Variants in ALDH3A1 observed in about 807,000 individuals in gnomAD.
The protein encoded by ALDH3A1 is aldehyde dehydrogenase, dimeric NADP-preferring.
In ALDH3A1, 46 loss-of-function variants were observed where a neutral mutation model predicts 49.9. That is an observed-to-expected ratio of 0.92 (90% CI 0.73 to 1.18). The LOEUF (loss-of-function observed/expected upper bound fraction) is 1.18, where lower values mean the gene tolerates loss of function less well. Among genes scored for constraint, ALDH3A1 ranks in the 50% most tolerant of loss-of-function variants. The probability of loss-of-function intolerance (pLI) is 0.00; values close to 1 mark genes in which losing one functional copy is unlikely to be tolerated. For synonymous variants in ALDH3A1, 269 were observed against 253.3 expected (o/e 1.06, Z -0.59); for missense variants, 592 against 611.8 (o/e 0.97, Z 0.34).
At chr17:19,739,176 G>T in intron 8 of ALDH3A1, 81 bp from the exon 9 acceptor site, 4 of 1,280,200 alleles carry the variant, frequency 3.1e-6, no homozygotes, top group South Asian at 1.3e-5. Flanking sequence ...CCTGGGTATA[G>T]CCTGGAGCCA....
At position 19,739,104 on chromosome 17, in the gene ALDH3A1, G is replaced by T. The variant is rs763539601; in HGVS notation, c.1117-9C>A. 1.2e-6 allele frequency: 2 copies of T among 1,610,846 alleles called. No homozygotes were observed. The highest frequency in any genetic ancestry group is 2.2e-5 in the South Asian group (2 of 90,516). ...ATCATCTTCTTAATCACCTGCACCAGGACCCAGCCACTGGCCTCAGTCTCC... is the reference window on the plus strand; with the variant it reads ...ATCATCTTCTTAATCACCTGCACCATGACCCAGCCACTGGCCTCAGTCTCC... On this transcript the variant is annotated splice_polypyrimidine_tract_variant and intron_variant, in intron 8 of 10. Transcript: ENST00000225740.
intron 2 of ALDH3A1, chr17:19,744,123 C>T (rs1242085842): frequency 3.0e-6 from 3 of 985,200 alleles, no homozygotes; most frequent in Admixed American, 6.1e-5. Context: ...GCAGGCCCGG[C>T]GCTGTGGCTC....
At chr17:19,746,645 GTGTGTGTGCA>G (rs1167566333) in intron 1 of ALDH3A1, among the ~76,000 whole-genome samples, 192 of 119,014 alleles carry the variant, frequency 1.6e-3, no homozygotes, top group African/African-American at 0.012. Context: ...GTGCGTGTGC[GTGTGTGTGCA>G]TGTGTGTGTG....
Position 19,743,099 on chromosome 17 carries a change from C to T in ALDH3A1, c.394+133G>A. On this transcript the variant is annotated intron_variant, in intron 3 of 10. Coordinates refer to ENST00000225740, the MANE Select transcript of ALDH3A1 (RefSeq NM_000691.5). This position sits in a 1 kb window ranked among gnomAD's most constrained non-coding sequence, Gnocchi z 4.4. ...GCCTGGCTAAACAGCTTGGTCCCCA[C>T]AGCCTCCTGTGACAGACCCAGCAAA... is the stretch of plus-strand genomic sequence containing the variant. 1 of 1,536,636 alleles carries T rather than the reference C, an allele frequency of 6.5e-7. No individual in the cohort carries two copies. Among genetic ancestry groups the T allele is most frequent in the Non-Finnish European group, 8.7e-7 (1 of 1,147,050 alleles).
In ALDH3A1 at chr17:19,741,369, G is replaced by A. The variant is rs529665647; in HGVS notation, c.690-159C>T. ...TCTGCTCACTTCTAGACACTGGACC[G>A]AGCAGACCCAATGGCCCTGATCATG... is the stretch of plus-strand genomic sequence containing the variant. On this transcript the variant is annotated intron_variant, in intron 5 of 10. Coordinates refer to ENST00000225740, the MANE Select transcript of ALDH3A1 (RefSeq NM_000691.5). The A allele has an allele frequency of 2.9e-4, 175 of 600,932 alleles. 2 individuals are homozygous for A. Among genetic ancestry groups the A allele is most frequent in the Non-Finnish European group, 4.3e-4 (144 of 337,248 alleles). The allele number at this position is 600,932 out of a possible 1,614,324, so 37.2% of individuals were successfully genotyped here. A position where few individuals can be genotyped will look rare whatever the true frequency, so the allele number is the denominator to read the frequency against.
intron 6 of ALDH3A1, among the ~76,000 whole-genome samples, chr17:19,740,866 A>G (rs776345724): frequency 6.6e-6 from 1 of 152,076 alleles, no homozygotes; most frequent in Non-Finnish European, 1.5e-5. Context: ...GGATCTTGCT[A>G]TGTTACCCAG....
At chr17:19,742,275 G>A (rs2086509664) in intron 4 of ALDH3A1, 63 bp from the exon 5 acceptor site, 7 of 1,551,054 alleles carry the variant, frequency 4.5e-6, no homozygotes, top group Non-Finnish European at 6.2e-6. Flanking sequence ...TCTTGCAAGT[G>A]TGGGTGAGTT....
chr17:19,744,913 A>AC, intron 2 of ALDH3A1, 55 bp downstream of exon 2: 3 of 385,580 alleles, frequency 7.8e-6, no homozygotes, highest in Non-Finnish European at 1.1e-5. Context: ...CCCTCCCCCC[A>AC]CGCCCCATCG....
Position 19,740,349 on chromosome 17 carries a change from G to A in ALDH3A1, c.936C>T (p.Ala312=), listed in dbSNP as rs1411863025. 6 of 1,613,852 alleles carry A rather than the reference G, an allele frequency of 3.7e-6. No individual in the cohort carries two copies. The highest frequency in any genetic ancestry group is 5.1e-6 in the Non-Finnish European group (6 of 1,179,986). The change falls in exon 7 of 11, where the codon GCC becomes GCT. Residue 312 remains alanine (A), a synonymous_variant. Transcript: ENST00000225740. ...KVAYGGTGDA[A]TRYIAPTILT... ...GGGGTCACGCACCTATGTAGCGAGTGGCGGCATCCCCGGTGCCCCCATAAG... is the reference window on the plus strand; with the variant it reads ...GGGGTCACGCACCTATGTAGCGAGTAGCGGCATCCCCGGTGCCCCCATAAG...
chr17:19,743,530 G>A lies in ALDH3A1; in HGVS notation c.163-67C>T. The A allele has an allele frequency of 6.6e-7, 1 of 1,526,458 alleles. No homozygotes were observed. The highest frequency in any genetic ancestry group is 2.0e-5 in the Admixed American group (1 of 49,020). The allele number at this position is 1,526,458 out of a possible 1,614,324, so 94.6% of individuals were successfully genotyped here. On this transcript the variant is annotated intron_variant, in intron 2 of 10. Transcript: ENST00000225740. The surrounding 1 kb of genome is among the most constrained non-coding windows in gnomAD (Gnocchi z 4.4). ...CGCCTGCAGCTGGGGCGAGTGGGGAGCCCCACTGCTCAGCTGCCAGGGTGA... is the reference window on the plus strand; with the variant it reads ...CGCCTGCAGCTGGGGCGAGTGGGGAACCCCACTGCTCAGCTGCCAGGGTGA...
intron 3 of ALDH3A1, chr17:19,742,933 C>G (rs112452365): frequency 1.3e-6 from 2 of 1,525,090 alleles, no homozygotes. Flanking sequence ...TAGAACAGCG[C>G]TGGCCCATTC....
At chr17:19,740,243 C>A in intron 7 of ALDH3A1, 93 bp downstream of exon 7, 1 of 1,544,778 alleles carries the variant, frequency 6.5e-7, no homozygotes, top group Non-Finnish European at 8.8e-7. Context: ...GAGGTCGTGT[C>A]CGCTTATCAA....
In ALDH3A1 at chr17:19,745,143, A is replaced by T; in HGVS notation, c.-5-9T>A. ...GATCTTGCTCATGGCGCCTGGGGAC[A>T]GAGAGCACCTGCAGCTGGCTGAGGG... On this transcript the variant is annotated splice_polypyrimidine_tract_variant and intron_variant, in intron 1 of 10. Coordinates refer to ENST00000225740, the MANE Select transcript of ALDH3A1 (RefSeq NM_000691.5). 6.4e-7 allele frequency: 1 copy of T among 1,561,210 alleles called. No homozygotes were observed. The highest frequency in any genetic ancestry group is 8.6e-7 in the Non-Finnish European group (1 of 1,159,418).
At chr17:19,739,169 G>T in intron 8 of ALDH3A1, 74 bp from the exon 9 acceptor site, 1 of 1,358,550 alleles carries the variant, frequency 7.4e-7, no homozygotes, top group Non-Finnish European at 1.0e-6. Context: ...GACCCTGCCT[G>T]GGTATAGCCT....
intron 2 of ALDH3A1, 152 bp downstream of exon 2, chr17:19,744,816 G>A (rs1213985980): frequency 7.4e-7 from 1 of 1,354,196 alleles, no homozygotes; most frequent in Non-Finnish European, 9.5e-7. Context: ...GCGGCGGAGG[G>A]GAGGGCGGTG....
At chr17:19,739,699 T>G (rs549169871) in intron 7 of ALDH3A1, 25 bp from the exon 8 acceptor site, 3 of 1,611,998 alleles carry the variant, frequency 1.9e-6, no homozygotes, top group South Asian at 2.2e-5. Context: ...AAGCCAGAGT[T>G]GGACGGCGCA....
intron 2 of ALDH3A1, 189 bp downstream of exon 2, chr17:19,744,779 G>A (rs1373244968): frequency 2.9e-6 from 4 of 1,374,106 alleles, no homozygotes; most frequent in African/African-American, 1.5e-5. Flanking sequence ...GCCAGAGGGC[G>A]GAAGAGGCGG....
chr17:19,739,187 C>G, intron 8 of ALDH3A1, 92 bp from the exon 9 acceptor site: 1 of 1,178,686 alleles, frequency 8.5e-7, no homozygotes, highest in Non-Finnish European at 1.2e-6. Flanking sequence ...CCTGGAGCCA[C>G]AAGGACAGGA....
At position 19,740,384 on chromosome 17, in the gene ALDH3A1, G is replaced by A. The variant is rs145367472; in HGVS notation, c.901C>T (p.Gln301Ter). The A allele has an allele frequency of 1.7e-5, 27 of 1,613,976 alleles. No homozygotes were observed. Among genetic ancestry groups the A allele is most frequent in the Non-Finnish European group, 2.0e-5 (24 of 1,180,036 alleles). The change falls in exon 7 of 11, where the codon CAG becomes TAG. Residue 301 changes from glutamine (Q) to a stop codon, truncating the protein, a stop_gained. Coordinates refer to ENST00000225740, the MANE Select transcript of ALDH3A1 (RefSeq NM_000691.5). LOFTEE classifies it high-confidence loss of function. ...CCGGTGCCCCCATAAGCCACCTTCT[G>A]GCCCTCAATCAGGCCCATCACCCTC... ...FQRVMGLIEG[Q>*]KVAYGGTGDA...
Sources: gnomAD v4.1 joint callset for allele counts (sites outside exome capture counted in the v4.1 genomes callset) on GRCh38, gnomAD v4.1.1 for gene constraint, Gnocchi (gnomAD v3.1) non-coding constraint, MANE v1.5 for transcripts, NCBI Gene and HGNC (gene_info 2026-07-23, HGNC 2026-07-21) for gene names.